The following PHACTR2 variants were observed in gnomAD, a reference collection of about 807,000 sequenced individuals.
The protein encoded by PHACTR2 is chromosome 6 open reading frame 56.
In PHACTR2, 30 loss-of-function variants were observed where a neutral mutation model predicts 76.0. That is an observed-to-expected ratio of 0.39 (90% CI 0.30 to 0.54). The LOEUF (loss-of-function observed/expected upper bound fraction) is 0.54. Ranked by LOEUF, PHACTR2 falls within the 20% of genes least tolerant of loss-of-function variation. The pLI is 0.61. For synonymous variants in PHACTR2, 292 were observed against 292.5 expected, an observed-to-expected ratio of 1.00 and a Z score of 0.02; for missense variants, 696 against 781.1, an observed-to-expected ratio of 0.89 and a Z score of 1.30.
rs1034596034 is a variant in PHACTR2 at position 143,596,206 on chromosome 6, T to C, written c.217+58999T>C. ...CTGCAAAACTGGCCATGAAAAATACTTTTGTTGTCCCCAGCAAGCCAGATC... is the reference window on the plus strand; with the variant it reads ...CTGCAAAACTGGCCATGAAAAATACCTTTGTTGTCCCCAGCAAGCCAGATC... On this transcript the variant is annotated intron_variant, in intron 1 of 11. Coordinates refer to the PHACTR2 transcript ENST00000367584. This position sits in a 1 kb window ranked among gnomAD's most constrained non-coding sequence, Gnocchi z 4.6. 1.3e-5 allele frequency among the ~76,000 whole-genome samples: 2 copies of C among 152,202 alleles called. No individual in the cohort carries two copies. Among genetic ancestry groups the C allele is most frequent in the Non-Finnish European group, 2.9e-5 (2 of 68,038 alleles).
chr6:143,644,491 G>A (rs1333458149), intron 1 of PHACTR2, among the ~76,000 whole-genome samples: 1 of 124,664 alleles, frequency 8.0e-6, no homozygotes, highest in Non-Finnish European at 1.7e-5. Context: ...AAAAAGTACA[G>A]TTATGAACCT....
rs1234171980 is a variant in PHACTR2, at chr6:143,776,769, A to T, written c.1590-559A>T. 6.6e-6 allele frequency among the ~76,000 whole-genome samples: 1 copy of T among 152,064 alleles called. No homozygotes were observed. Among genetic ancestry groups the T allele is most frequent in the Non-Finnish European group, 1.5e-5 (1 of 68,016 alleles). The stretch of plus-strand genomic sequence containing the variant: ...AATCTTAATATTACTGTCACATGAC[A>T]CTCCCCAGGTAGGTGAGCGATCCAG... On this transcript the variant is annotated intron_variant, in intron 8 of 12. Transcript: ENST00000440869. This position sits in a 1 kb window ranked among gnomAD's most constrained non-coding sequence, Gnocchi z 5.3.
In PHACTR2 at chr6:143,733,062, A is replaced by T. The variant is rs528861750; in HGVS notation, c.215-15923A>T. On this transcript the variant is annotated intron_variant, in intron 2 of 12. Transcript: ENST00000440869. This position sits in a 1 kb window ranked among gnomAD's most constrained non-coding sequence, Gnocchi z 4.0. ...GCACCACAACACCCAACTTAATTTT[A>T]AAAAAAAATTTTTTTTCATAGAGAT... is the stretch of plus-strand genomic sequence containing the variant. 2.1e-4 allele frequency among the ~76,000 whole-genome samples: 32 copies of T among 151,674 alleles called. No homozygotes were observed. Among genetic ancestry groups the T allele is most frequent in the South Asian group, 8.3e-4 (4 of 4,792 alleles).
intron 1 of PHACTR2, among the ~76,000 whole-genome samples, chr6:143,565,566 C>T (rs1485105150): frequency 6.7e-6 from 1 of 149,364 alleles, no homozygotes; most frequent in Non-Finnish European, 1.5e-5. Context: ...GATCGCGCCA[C>T]TGCACTCCAG....
upstream of PHACTR2, among the ~76,000 whole-genome samples, chr6:143,673,671 C>T (rs376688198): frequency 6.6e-6 from 1 of 152,074 alleles, no homozygotes; most frequent in South Asian, 2.1e-4. Context: ...AAATTACAGA[C>T]GCTTTTCCTC....
rs1212705659 is a variant in PHACTR2 at position 143,623,904 on chromosome 6, A to G, written c.13+15582A>G. On this transcript the variant is annotated intron_variant, in intron 1 of 11. Transcript: ENST00000305766. The surrounding 1 kb of genome is among the most constrained non-coding windows in gnomAD (Gnocchi z 5.9). ...ATTGTCTTACCATGTATGATGCACAATATTCTGGGTACACTCAGAGCACCC... is the reference window on the plus strand; with the variant it reads ...ATTGTCTTACCATGTATGATGCACAGTATTCTGGGTACACTCAGAGCACCC... 6.6e-6 allele frequency among the ~76,000 whole-genome samples: 1 copy of G among 152,162 alleles called. No individual in the cohort carries two copies. Among genetic ancestry groups the G allele is most frequent in the Non-Finnish European group, 1.5e-5 (1 of 68,024 alleles).
chr6:143,572,184 G>T (rs12208649), intron 1 of PHACTR2, among the ~76,000 whole-genome samples: 93,307 of 152,018 alleles, frequency 0.61, 28,958 homozygotes, highest in Middle Eastern at 0.72. Flanking sequence ...AAATTCTTTT[G>T]GCCCCGTGTA....
At chr6:143,799,436 T>C (rs2128481975) in intron 11 of PHACTR2, among the ~76,000 whole-genome samples, 1 of 152,368 alleles carries the variant, frequency 6.6e-6, no homozygotes, top group East Asian at 1.9e-4. Context: ...AGCTTTTGAA[T>C]GTGTTTGTTC....
At chr6:143,686,272 A>G (rs1777517951) in intron 1 of PHACTR2, among the ~76,000 whole-genome samples, 1 of 152,172 alleles carries the variant, frequency 6.6e-6, no homozygotes, top group African/African-American at 2.4e-5. Flanking sequence ...TTAATAGTCA[A>G]GCATCAAGAG....
At position 143,646,845 on chromosome 6, in the gene PHACTR2, T is replaced by C. The variant is rs911760207; in HGVS notation, c.13+38523T>C. Among the ~76,000 whole-genome samples the C allele has an allele frequency of 6.6e-6, 1 of 152,240 alleles. No homozygotes were observed. Among genetic ancestry groups the C allele is most frequent in the African/African-American group, 2.4e-5 (1 of 41,458 alleles). ...TCAGCCTGCTTATTATGCTAGAGCT[T>C]AGTGTCTGAATAGCAGAGAACGTTT... is the stretch of plus-strand genomic sequence containing the variant. On this transcript the variant is annotated intron_variant, in intron 1 of 11. Transcript: ENST00000305766. This position sits in a 1 kb window ranked among gnomAD's most constrained non-coding sequence, Gnocchi z 4.1.
rs112136815 is a variant in PHACTR2, at chr6:143,628,490, C to T, written c.13+20168C>T. The stretch of plus-strand genomic sequence containing the variant: ...ATTCCCTAGCCTGTGGTCCCTTCTC[C>T]TAGGTTCTAAGCCATCAGAGTAGCA... On this transcript the variant is annotated intron_variant, in intron 1 of 11. Transcript: ENST00000305766. Among the ~76,000 whole-genome samples the T allele has an allele frequency of 4.0e-3, 616 of 152,214 alleles. 3 individuals are homozygous for T. Among genetic ancestry groups the T allele is most frequent in the Non-Finnish European group, 5.7e-3 (389 of 68,014 alleles).
rs533806200 is a variant in PHACTR2 at position 143,708,488 on chromosome 6, A to G, written c.47-3528A>G. 1.2e-3 allele frequency among the ~76,000 whole-genome samples: 185 copies of G among 152,374 alleles called. No individual in the cohort carries two copies. Among genetic ancestry groups the G allele is most frequent in the African/African-American group, 4.3e-3 (180 of 41,594 alleles). On this transcript the variant is annotated intron_variant, in intron 1 of 12. Coordinates refer to ENST00000440869, the MANE Select transcript of PHACTR2 (RefSeq NM_001100164.2). The surrounding 1 kb of genome is among the most constrained non-coding windows in gnomAD (Gnocchi z 5.5). ...AAACAATCAGGAAATTTTACCTTTC[A>G]TCTGGGATTTACCTGGCAGTTTGTT...
Position 143,646,555 on chromosome 6 carries a change from C to T in PHACTR2, c.13+38233C>T, listed in dbSNP as rs906818474. 6.6e-6 allele frequency among the ~76,000 whole-genome samples: 1 copy of T among 152,088 alleles called. No individual in the cohort carries two copies. The highest frequency in any genetic ancestry group is 2.4e-5 in the African/African-American group (1 of 41,414). On this transcript the variant is annotated intron_variant, in intron 1 of 11. Transcript: ENST00000305766. The surrounding 1 kb of genome is among the most constrained non-coding windows in gnomAD (Gnocchi z 4.1). ...CAAATATAACTGAAAAAAAGGTGCT[C>T]CATTTTGCATGATTTATTATTGAAC...
intron 1 of PHACTR2, among the ~76,000 whole-genome samples, chr6:143,694,741 G>T (rs139136889): frequency 1.3e-5 from 2 of 152,182 alleles, no homozygotes; most frequent in Non-Finnish European, 2.9e-5. Flanking sequence ...GCCAGAAAAC[G>T]CAGAGCCCCA....
chr6:143,554,808 TAGGA>T lies in PHACTR2; in HGVS notation c.217+17603_217+17606del. Reference sequence around the variant, plus strand: ...GTCTTTCCCTGATTACTATTGAACCTAGGAAATATTTTATATTATTAGCCATTTG... The same window carrying T: ...GTCTTTCCCTGATTACTATTGAACCTAATATTTTATATTATTAGCCATTTG... On this transcript the variant is annotated intron_variant, in intron 1 of 11. Coordinates refer to the PHACTR2 transcript ENST00000367584. The surrounding 1 kb of genome is among the most constrained non-coding windows in gnomAD (Gnocchi z 5.9). The T allele has an allele frequency of 6.6e-6, 1 of 152,164 alleles. No homozygotes were observed. Among genetic ancestry groups the T allele is most frequent in the East Asian group, 1.9e-4 (1 of 5,200 alleles). The allele number at this position is 152,164 out of a possible 1,614,324, so 9.4% of individuals were successfully genotyped here.
At position 143,821,462 on chromosome 6, in the gene PHACTR2, A is replaced by G. The variant is rs1341247343; in HGVS notation, c.1923-2212A>G. Among the ~76,000 whole-genome samples the G allele has an allele frequency of 6.6e-6, 1 of 152,232 alleles. No individual in the cohort carries two copies. The highest frequency in any genetic ancestry group is 1.5e-5 in the Non-Finnish European group (1 of 68,042). The stretch of plus-strand genomic sequence containing the variant: ...AGTACTATCACGTGCCGGAGATTGT[A>G]TTCAATGAGTATGTAAAAATGGATA... On this transcript the variant is annotated intron_variant, in intron 12 of 12. Coordinates refer to ENST00000440869, the MANE Select transcript of PHACTR2 (RefSeq NM_001100164.2). The surrounding 1 kb of genome is among the most constrained non-coding windows in gnomAD (Gnocchi z 5.2).
chr6:143,729,294 G>A (rs77258805), intron 2 of PHACTR2, among the ~76,000 whole-genome samples: 205 of 152,144 alleles, frequency 1.3e-3, no homozygotes, highest in Non-Finnish European at 2.5e-3. Flanking sequence ...TCTGTAGATT[G>A]TCTTTTCATT....
intron 1 of PHACTR2, among the ~76,000 whole-genome samples, chr6:143,566,701 A>C (rs537660863): frequency 1.3e-5 from 2 of 152,040 alleles, no homozygotes; most frequent in South Asian, 4.2e-4. Context: ...ACTCATAGTC[A>C]AAATTGTTTC....
chr6:143,719,465 T>G (rs145751986), intron 2 of PHACTR2, among the ~76,000 whole-genome samples: 2,319 of 147,288 alleles, frequency 0.016, 41 homozygotes, highest in East Asian at 0.11. Flanking sequence ...TTCTCCTGCC[T>G]CAGCCTCCTG....
Sources: allele counts gnomAD v4.1 joint callset (sites outside exome capture counted in the v4.1 genomes callset), GRCh38; gene constraint gnomAD v4.1.1; non-coding constraint Gnocchi (gnomAD v3.1); transcripts MANE v1.5; gene names NCBI Gene and HGNC (gene_info 2026-07-23, HGNC 2026-07-21).